The following MAST4 variants were observed in gnomAD, a reference collection of about 807,000 sequenced individuals.
MAST4 encodes the protein microtubule associated serine/threonine kinase family member 4.
Under a neutral mutation model 162.7 loss-of-function variants are expected in MAST4, and 89 were observed. The ratio of observed to expected loss-of-function variants is 0.55; its 90% CI spans 0.46 to 0.65. The LOEUF is 0.65. Among genes scored for constraint, MAST4 ranks in the 30% least tolerant of loss-of-function variants. The pLI is 0.00. For synonymous variants in MAST4, 1,479 were observed against 1,361.1 expected, an observed-to-expected ratio of 1.09 and a Z score of -1.91; for missense variants, 3,153 against 3,374.0, an observed-to-expected ratio of 0.93 and a Z score of 1.62.
intron 4 of MAST4, among the ~76,000 whole-genome samples, chr5:66,936,595 G>C (rs1742775968): frequency 6.6e-6 from 1 of 152,172 alleles, no homozygotes; most frequent in South Asian, 2.1e-4. Flanking sequence ...TTTGAGCCAG[G>C]ATGAGCCAGG....
At chr5:66,932,674 C>G (rs887102543) in intron 4 of MAST4, among the ~76,000 whole-genome samples, 11 of 152,152 alleles carry the variant, frequency 7.2e-5, no homozygotes, top group Non-Finnish European at 1.5e-4. Flanking sequence ...TGGTAATTAG[C>G]TATGCGTGGG....
chr5:66,983,399 A>G (rs1410245693), intron 4 of MAST4, among the ~76,000 whole-genome samples: 1 of 152,156 alleles, frequency 6.6e-6, no homozygotes, highest in Non-Finnish European at 1.5e-5. Context: ...ATTTTGATAG[A>G]AGCTAGAATT....
rs964306917 is a variant in MAST4, at chr5:66,856,037, G to C, written c.643-43914G>C. Among the ~76,000 whole-genome samples, 73 of 152,102 alleles carry C rather than the reference G, an allele frequency of 4.8e-4. 4 individuals are homozygous for C. ...AAATTAGCCAGGTGTGGTGGTGTGC[G>C]CCTGTGGTCCCACTTAGGAGGCTCA... On this transcript the variant is annotated intron_variant, in intron 3 of 28. Transcript: ENST00000403625.
At chr5:67,109,953 T>C in intron 10 of MAST4, 145 bp from the exon 11 acceptor site, 1 of 588,486 alleles carries the variant, frequency 1.7e-6, no homozygotes, top group Middle Eastern at 3.8e-4. Flanking sequence ...ACAGATAATG[T>C]CTGTTTATCA....
At chr5:67,160,366 T>C in intron 26 of MAST4, 90 bp from the exon 27 acceptor site, 3 of 1,301,888 alleles carry the variant, frequency 2.3e-6, no homozygotes, top group Non-Finnish European at 3.1e-6. Context: ...TGTTCCTTTC[T>C]ATTTGTATTT....
At chr5:66,899,590 C>A (rs532161092) in intron 3 of MAST4, among the ~76,000 whole-genome samples, 1 of 152,118 alleles carries the variant, frequency 6.6e-6, no homozygotes, top group Non-Finnish European at 1.5e-5. Context: ...TGCAAAATGT[C>A]TCCTACTTCT....
At chr5:66,858,557 CAT>C (rs1198002264) in intron 3 of MAST4, among the ~76,000 whole-genome samples, 1 of 152,164 alleles carries the variant, frequency 6.6e-6, no homozygotes, top group Non-Finnish European at 1.5e-5. Context: ...GTGAATCCCA[CAT>C]GATTTAACAA....
chr5:66,857,982 A>C (rs887877168), intron 3 of MAST4, among the ~76,000 whole-genome samples: 1 of 151,148 alleles, frequency 6.6e-6, no homozygotes, highest in Non-Finnish European at 1.5e-5. Flanking sequence ...TTTGAGATGG[A>C]GTCTCACTGT....
chr5:66,799,214 T>A (rs538253707), intron 3 of MAST4, among the ~76,000 whole-genome samples: 2 of 152,212 alleles, frequency 1.3e-5, no homozygotes, highest in Non-Finnish European at 2.9e-5. Flanking sequence ...AAAACTCTTC[T>A]CTATGTAACT....
At chr5:66,912,468 G>A (rs969947826) in intron 4 of MAST4, among the ~76,000 whole-genome samples, 2 of 152,146 alleles carry the variant, frequency 1.3e-5, no homozygotes, top group African/African-American at 4.8e-5. Context: ...GATTAAAGAA[G>A]CACTTGGAAG....
chr5:66,719,045 G>A (rs1272914246), intron 1 of MAST4, among the ~76,000 whole-genome samples: 2 of 152,198 alleles, frequency 1.3e-5, no homozygotes, highest in African/African-American at 4.8e-5. Context: ...AGGAGAAGCG[G>A]CAGGTATTTC....
intron 1 of MAST4, among the ~76,000 whole-genome samples, chr5:66,660,902 G>A (rs1036695362): frequency 2.6e-5 from 4 of 152,178 alleles, no homozygotes; most frequent in African/African-American, 9.7e-5. Flanking sequence ...AATAAAAAAT[G>A]TGTCTTCTTG....
At chr5:66,816,974 A>G (rs1288842888) in intron 3 of MAST4, among the ~76,000 whole-genome samples, 1 of 152,116 alleles carries the variant, frequency 6.6e-6, no homozygotes, top group Non-Finnish European at 1.5e-5. Context: ...GACTCTGTTC[A>G]CCTCGTCTCT....
intron 4 of MAST4, among the ~76,000 whole-genome samples, chr5:67,040,813 G>A (rs1756655653): frequency 6.6e-6 from 1 of 152,166 alleles, no homozygotes; most frequent in Admixed American, 6.5e-5. Flanking sequence ...GCCCTTCAAA[G>A]GTCTTATTCT....
At chr5:66,993,220 A>G (rs1750242071) in intron 4 of MAST4, among the ~76,000 whole-genome samples, 1 of 152,244 alleles carries the variant, frequency 6.6e-6, no homozygotes, top group Non-Finnish European at 1.5e-5. Context: ...GCCAATTGAC[A>G]AAGGCAACCT....
chr5:67,082,303 C>G (rs897799152), intron 5 of MAST4, among the ~76,000 whole-genome samples: 2 of 152,080 alleles, frequency 1.3e-5, no homozygotes, highest in Non-Finnish European at 2.9e-5. Flanking sequence ...CACACGCCAC[C>G]ACGCCCAGCT....
At chr5:66,978,438 T>C (rs1404493571) in intron 4 of MAST4, among the ~76,000 whole-genome samples, 1 of 152,250 alleles carries the variant, frequency 6.6e-6, no homozygotes, top group Non-Finnish European at 1.5e-5. Flanking sequence ...GTTGCTGTAC[T>C]AATGCTGTGG....
chr5:67,047,664 A>T (rs181092781), intron 4 of MAST4, among the ~76,000 whole-genome samples: 2 of 152,330 alleles, frequency 1.3e-5, no homozygotes, highest in East Asian at 3.9e-4. Context: ...TTGTTTGTTT[A>T]GAATAGTGCC....
At chr5:67,002,963 C>G (rs1010617510) in intron 4 of MAST4, among the ~76,000 whole-genome samples, 9 of 149,252 alleles carry the variant, frequency 6.0e-5, no homozygotes, top group Non-Finnish European at 1.2e-4. Flanking sequence ...TCTAGTAGGT[C>G]GAGGTCAGCA....
Sources: allele counts gnomAD v4.1 joint callset (sites outside exome capture counted in the v4.1 genomes callset), GRCh38; gene constraint gnomAD v4.1.1; transcripts MANE v1.5; gene names NCBI Gene and HGNC (gene_info 2026-07-23, HGNC 2026-07-21).